The following FANCM variants were observed in gnomAD, a reference collection of about 807,000 sequenced individuals.
FANCM encodes Fanconi anemia group M protein.
In FANCM, 140 loss-of-function variants were observed where a neutral mutation model predicts 199.5. The ratio of observed to expected loss-of-function variants is 0.70; its 90% CI spans 0.61 to 0.81. The LOEUF is 0.81. FANCM is among the 30% of genes least tolerant of loss of function. FANCM has a pLI of 0.00. For missense variants in FANCM, 2,410 were observed against 2,421.4 expected (o/e 1.00, Z 0.10); for synonymous variants, 840 against 836.8 (o/e 1.00, Z -0.07).
At chr14:45,184,053 A>G (rs1053983248) in intron 17 of FANCM, 151 bp downstream of exon 17, 2 of 591,328 alleles carry the variant, frequency 3.4e-6, no homozygotes, top group African/African-American at 3.8e-5. Flanking sequence ...CTGGAATTAA[A>G]TTCAAAGTAG....
chr14:45,198,650 C>T lies in FANCM; in HGVS notation c.5723C>T (p.Thr1908Ile), dbSNP rs2139327867. 2.5e-6 allele frequency: 4 copies of T among 1,609,728 alleles called. No individual in the cohort carries two copies. The highest frequency in any genetic ancestry group is 3.4e-6 in the Non-Finnish European group (4 of 1,176,772). The part of the protein sequence containing the change: ...VEKDREKTGD[T>I]SRMFRRTKSY... ...CCTAAATATGAATATTTAGGAGACACATCAAGGATGTTTAGGAGAACAAAG... is the reference window on the plus strand; with the variant it reads ...CCTAAATATGAATATTTAGGAGACATATCAAGGATGTTTAGGAGAACAAAG... Residue 1908 changes from threonine to isoleucine, a missense_variant, in exon 22 of 23, where the codon ACA becomes ATA. Thr to Ile is a moderately conservative substitution (Grantham distance 89). Transcript: ENST00000267430.
chr14:45,151,473 A>G lies in FANCM; in HGVS notation c.995A>G (p.Tyr332Cys). 1 of 1,611,854 alleles carries G rather than the reference A, an allele frequency of 6.2e-7. No individual in the cohort carries two copies. The highest frequency in any genetic ancestry group is 8.5e-7 in the Non-Finnish European group (1 of 1,177,970). Residue 332 changes from tyrosine to cysteine, a missense_variant, in exon 5 of 23, where the codon TAT becomes TGT. By Grantham distance (194) the Tyr-to-Cys change is radical (BLOSUM62 -2). Transcript: ENST00000267430. ...MRRDIPNLTK[Y>C]QIILARDQFR... ...AGGGATATCCCAAATCTAACAAAAT[A>G]TCAGATAATTCTGGCAAGAGATCAG...
chr14:45,195,364 A>G (rs1250787704), intron 20 of FANCM: 1 of 345,462 alleles, frequency 2.9e-6, no homozygotes. Context: ...CCAATTCGAG[A>G]TCTTACCTCT....
chr14:45,183,476 G>C (rs1197338550), intron 16 of FANCM, among the ~76,000 whole-genome samples: 1 of 151,972 alleles, frequency 6.6e-6, no homozygotes, highest in Non-Finnish European at 1.5e-5. Context: ...AAAAGTATCA[G>C]TTTTCTAAGT....
intron 2 of FANCM, among the ~76,000 whole-genome samples, chr14:45,138,495 A>C (rs1885682991): frequency 6.6e-6 from 1 of 152,174 alleles, no homozygotes. Context: ...AAATTAAATT[A>C]ATACATAGCA....
chr14:45,160,232 G>A (rs1030941037), intron 9 of FANCM, among the ~76,000 whole-genome samples: 1 of 151,232 alleles, frequency 6.6e-6, no homozygotes. Flanking sequence ...GACGTCTGGT[G>A]ATCCGCCCGC....
intron 11 of FANCM, among the ~76,000 whole-genome samples, chr14:45,167,601 G>A (rs1026294286): frequency 6.6e-6 from 1 of 152,104 alleles, no homozygotes; most frequent in Admixed American, 6.5e-5. Flanking sequence ...CCTCATGTAA[G>A]AGGGCACCAT....
intron 14 of FANCM, among the ~76,000 whole-genome samples, chr14:45,178,841 A>G (rs1011402167): frequency 5.9e-5 from 9 of 152,202 alleles, no homozygotes; most frequent in African/African-American, 2.2e-4. Flanking sequence ...TAAAATAATC[A>G]GTAAAATAAA....
At chr14:45,180,587 G>A (rs1889005441) in intron 14 of FANCM, among the ~76,000 whole-genome samples, 1 of 152,008 alleles carries the variant, frequency 6.6e-6, no homozygotes, top group African/African-American at 2.4e-5. Context: ...ACAGGCACGT[G>A]CCACCACACC....
At chr14:45,174,432 A>AT (rs1293958392) in intron 13 of FANCM, among the ~76,000 whole-genome samples, 3 of 151,888 alleles carry the variant, frequency 2.0e-5, no homozygotes, top group Non-Finnish European at 2.9e-5. Context: ...GCTTAAGTCT[A>AT]TAAGTAGTAG....
At chr14:45,172,986 GT>G in intron 12 of FANCM, 68 bp from the exon 13 acceptor site, 1 of 1,201,518 alleles carries the variant, frequency 8.3e-7, no homozygotes, top group Non-Finnish European at 1.2e-6. Flanking sequence ...TATATTGAGT[GT>G]TTTTTAAAAT....
In FANCM at chr14:45,175,124, T is replaced by A; in HGVS notation, c.2370T>A (p.Val790=). ...EVESYLQMED[V]TSTFIAPRNE... is the part of the protein sequence containing the mutation. ...AATCTTATTTACAAATGGAAGATGT[T>A]ACCTCAACATTTATTGCTCCCAGGA... The change falls in exon 14 of 23, where the codon GTT becomes GTA. Residue 790 remains valine (V), a synonymous_variant. Transcript: ENST00000267430. 2 of 1,612,488 alleles carry A rather than the reference T, an allele frequency of 1.2e-6. No homozygotes were observed. Among genetic ancestry groups the A allele is most frequent in the South Asian group, 1.1e-5 (1 of 90,860 alleles).
intron 2 of FANCM, chr14:45,137,779 AG>A (rs1885628766): frequency 6.2e-6 from 1 of 160,268 alleles, no homozygotes; most frequent in South Asian, 1.7e-4. Flanking sequence ...TCTTCTCCTA[AG>A]GGGGATTTTG....
Position 45,175,685 on chromosome 14 carries a change from T to G in FANCM, c.2931T>G (p.Tyr977Ter). ...TTGTTAGAACAGATGACCAATTTTA[T>G]AATTGTCACTCATTGACAAAAGAGG... ...LYIVRTDDQF[Y>*]NCHSLTKEVL... The change falls in exon 14 of 23, where the codon TAT becomes TAG. Residue 977 changes from tyrosine to a stop codon, truncating the protein, a stop_gained. Coordinates refer to ENST00000267430, the MANE Select transcript of FANCM (RefSeq NM_020937.4). LOFTEE classifies it high-confidence loss of function. 1 of 1,613,488 alleles carries G rather than the reference T, an allele frequency of 6.2e-7. No homozygotes were observed. Among genetic ancestry groups the G allele is most frequent in the Non-Finnish European group, 8.5e-7 (1 of 1,179,528 alleles).
intron 14 of FANCM, among the ~76,000 whole-genome samples, chr14:45,177,389 T>C (rs561528728): frequency 9.1e-4 from 138 of 152,170 alleles, no homozygotes; most frequent in Non-Finnish European, 1.4e-3. Context: ...TTGGACTTTT[T>C]TTGTTTCTTT....
At chr14:45,151,335 ATGAT>A (rs1594769530) in intron 4 of FANCM, 58 bp from the exon 5 acceptor site, 2 of 1,359,558 alleles carry the variant, frequency 1.5e-6, no homozygotes, top group Non-Finnish European at 2.1e-6. Context: ...ATGTGAGAAA[ATGAT>A]TGTACTTGAA....
Position 45,167,183 on chromosome 14 carries a change from G to C in FANCM, c.2002+20G>C. The C allele has an allele frequency of 7.0e-7, 1 of 1,434,490 alleles. No individual in the cohort carries two copies. The allele number at this position is 1,434,490 out of a possible 1,614,324, so 88.9% of individuals were successfully genotyped here. ...GGGATGGTAAATAAATTTTGCATTT[G>C]ACACATGCATTTTTCCCCTGTTCTT... On this transcript the variant is annotated intron_variant, in intron 11 of 22. Transcript: ENST00000267430.
chr14:45,172,980 T>C (rs1888435326), intron 12 of FANCM, 75 bp from the exon 13 acceptor site: 3 of 1,061,442 alleles, frequency 2.8e-6, no homozygotes, highest in Non-Finnish European at 4.4e-6. Context: ...TATATGTATA[T>C]TGAGTGTTTT....
intron 8 of FANCM, among the ~76,000 whole-genome samples, chr14:45,156,917 A>G (rs937082375): frequency 8.9e-6 from 1 of 112,442 alleles, no homozygotes; most frequent in African/African-American, 5.2e-5. Context: ...ACTCTGTCTC[A>G]AAAAAAAAAA....
Sources: gnomAD v4.1 joint callset for allele counts (sites outside exome capture counted in the v4.1 genomes callset) on GRCh38, gnomAD v4.1.1 for gene constraint, MANE v1.5 for transcripts, NCBI Gene and HGNC (gene_info 2026-07-23, HGNC 2026-07-21) for gene names.